The following RNF13 variants were observed in gnomAD, a reference collection of about 807,000 sequenced individuals.
RNF13 encodes the protein E3 ubiquitin-protein ligase RNF13.
A neutral mutation model predicts 37.7 loss-of-function variants in RNF13; 19 were observed. The ratio of observed to expected loss-of-function variants is 0.50; its 90% CI spans 0.35 to 0.74. RNF13 has a LOEUF of 0.74. RNF13 is among the 30% of genes least tolerant of loss of function. The pLI, the probability that RNF13 is intolerant of heterozygous loss-of-function variation, is 0.01. For synonymous variants in RNF13, 144 were observed against 157.8 expected, an observed-to-expected ratio of 0.91 and a Z score of 0.65; for missense variants, 375 against 453.0, an observed-to-expected ratio of 0.83 and a Z score of 1.56.
chr3:149,903,463 G>C (rs1172122556), intron 6 of RNF13, among the ~76,000 whole-genome samples: 1 of 152,054 alleles, frequency 6.6e-6, no homozygotes, highest in Non-Finnish European at 1.5e-5. Context: ...GTCTCTATGT[G>C]ACACTATTGC....
At chr3:149,876,192 G>C (rs1173547065) in intron 4 of RNF13, among the ~76,000 whole-genome samples, 1 of 152,188 alleles carries the variant, frequency 6.6e-6, no homozygotes, top group Non-Finnish European at 1.5e-5. Flanking sequence ...CTGTATTTTA[G>C]CTGGACTTTA....
chr3:149,916,552 T>G (rs563699875), intron 7 of RNF13, among the ~76,000 whole-genome samples: 1 of 152,322 alleles, frequency 6.6e-6, no homozygotes, highest in East Asian at 1.9e-4. Flanking sequence ...TGCTAAATTC[T>G]TTACTTTCTT....
intron 1 of RNF13, among the ~76,000 whole-genome samples, chr3:149,830,970 A>G (rs1022633524): frequency 5.3e-5 from 8 of 152,272 alleles, no homozygotes; most frequent in Admixed American, 3.9e-4. Flanking sequence ...TGCAAACCCC[A>G]AGCATTGACA....
chr3:149,911,855 A>AT, intron 6 of RNF13, 123 bp from the exon 7 acceptor site: 2 of 631,056 alleles, frequency 3.2e-6, no homozygotes, highest in Non-Finnish European at 5.6e-6. Flanking sequence ...AATGAAATGT[A>AT]TGTAGTGGAT....
chr3:149,939,708 G>A, intron 8 of RNF13: 1 of 805,998 alleles, frequency 1.2e-6, no homozygotes, highest in Non-Finnish European at 2.0e-6. Context: ...TCACCTTAAA[G>A]TGATAATCTT....
intron 3 of RNF13, among the ~76,000 whole-genome samples, chr3:149,865,329 G>GATAT (rs3028509): frequency 0.11 from 15,008 of 138,870 alleles, 1,583 homozygotes; most frequent in African/African-American, 0.26. Context: ...ATGTTTTGGT[G>GATAT]ATATATATAT....
intron 8 of RNF13, among the ~76,000 whole-genome samples, chr3:149,949,510 C>T (rs867971537): frequency 6.6e-6 from 1 of 150,496 alleles, no homozygotes; most frequent in Admixed American, 6.6e-5. Flanking sequence ...CAGTGTAGAT[C>T]CCTTAGATCC....
chr3:149,923,764 CAAA>C (rs375634287), intron 8 of RNF13, among the ~76,000 whole-genome samples: 7 of 54,994 alleles, frequency 1.3e-4, no homozygotes, highest in Admixed American at 6.3e-4. Context: ...GACTCCATCT[CAAA>C]AAAAAAAAAA....
At chr3:149,882,183 T>A (rs1251012319) in intron 4 of RNF13, among the ~76,000 whole-genome samples, 2 of 145,186 alleles carry the variant, frequency 1.4e-5, no homozygotes, top group Non-Finnish European at 3.0e-5. Context: ...CTGGAAAAGG[T>A]CAAGTCACAT....
intron 2 of RNF13, chr3:149,851,165 A>G (rs1445545614): frequency 6.6e-6 from 1 of 152,226 alleles, no homozygotes; most frequent in Non-Finnish European, 1.5e-5. Flanking sequence ...TGCAAGAACC[A>G]CACTACCTGA....
At position 149,877,740 on chromosome 3, in the gene RNF13, A is replaced by G. The variant is rs146223823; in HGVS notation, c.321+5586A>G. Among the ~76,000 whole-genome samples the G allele has an allele frequency of 1.8e-3, 274 of 152,226 alleles. 1 individual carries two copies. The highest frequency in any genetic ancestry group is 6.1e-3 in the African/African-American group (253 of 41,574). On this transcript the variant is annotated intron_variant, in intron 4 of 9. Transcript: ENST00000392894. ...ATAATGTATATATTTCTATAAAGTG[A>G]TGTATAACATTTGTTATTAATCTAC...
chr3:149,888,285 TTAAAA>T (rs1365725353), intron 4 of RNF13, among the ~76,000 whole-genome samples: 4 of 152,182 alleles, frequency 2.6e-5, no homozygotes, highest in South Asian at 2.1e-4. Context: ...AACTTCCCAA[TTAAAA>T]TAAATGATCT....
At chr3:149,825,553 C>T (rs1720416432) in intron 1 of RNF13, among the ~76,000 whole-genome samples, 1 of 152,164 alleles carries the variant, frequency 6.6e-6, no homozygotes, top group African/African-American at 2.4e-5. Flanking sequence ...TACCCATCAG[C>T]ACCCCAGTGG....
intron 4 of RNF13, among the ~76,000 whole-genome samples, chr3:149,892,463 G>A (rs151081480): frequency 7.4e-4 from 113 of 152,222 alleles, no homozygotes; most frequent in African/African-American, 2.2e-3. Flanking sequence ...GTAGACAACC[G>A]CAGATTTAAG....
chr3:149,817,621 G>C (rs1013598828), intron 1 of RNF13, among the ~76,000 whole-genome samples: 18 of 152,140 alleles, frequency 1.2e-4, no homozygotes, highest in Admixed American at 1.2e-3. Flanking sequence ...TCAGGGTGCA[G>C]CTAATGAGAT....
intron 1 of RNF13, among the ~76,000 whole-genome samples, chr3:149,814,769 A>G (rs1461263735): frequency 1.3e-5 from 2 of 152,226 alleles, no homozygotes; most frequent in Non-Finnish European, 2.9e-5. Flanking sequence ...CAGCTCTGCC[A>G]TTTACTAATT....
At chr3:149,860,273 ATATATAT>A (rs1559912410) in intron 3 of RNF13, among the ~76,000 whole-genome samples, 8 of 92,506 alleles carry the variant, frequency 8.6e-5, no homozygotes, top group African/African-American at 2.2e-4. Context: ...AAAAAAAAAT[ATATATAT>A]ATATATATAT....
intron 1 of RNF13, among the ~76,000 whole-genome samples, chr3:149,832,659 CAA>C (rs1047459283): frequency 3.3e-5 from 5 of 152,066 alleles, no homozygotes; most frequent in East Asian, 1.9e-4. Context: ...CTAAAGAAAA[CAA>C]GAGAGGAGAC....
At chr3:149,956,948 T>C (rs1721929447) in intron 8 of RNF13, among the ~76,000 whole-genome samples, 1 of 152,130 alleles carries the variant, frequency 6.6e-6, no homozygotes, top group Non-Finnish European at 1.5e-5. Context: ...ACCAAAACTG[T>C]TTCCAGATAT....
Sources: gnomAD v4.1 joint callset for allele counts (sites outside exome capture counted in the v4.1 genomes callset) on GRCh38, gnomAD v4.1.1 for gene constraint, MANE v1.5 for transcripts, NCBI Gene and HGNC (gene_info 2026-07-23, HGNC 2026-07-21) for gene names.